The following OPRL1 variants were observed in gnomAD, a reference collection of about 807,000 sequenced individuals.
OPRL1 encodes the protein opioid related nociceptin receptor 1, also known as nociceptin receptor.
In OPRL1, 5 loss-of-function variants were observed where a neutral mutation model predicts 15.5. That is an observed-to-expected ratio of 0.32 (90% CI 0.17 to 0.68). The LOEUF (loss-of-function observed/expected upper bound fraction) is 0.68. OPRL1 is among the 30% of genes least tolerant of loss of function. The pLI is 0.72. For synonymous variants in OPRL1, 223 were observed against 230.2 expected (o/e 0.97, Z 0.28); for missense variants, 406 against 515.3 (o/e 0.79, Z 2.05).
At position 64,083,164 on chromosome 20, in the gene OPRL1, G is replaced by A. The variant is rs2059987312; in HGVS notation, c.-185+2812G>A. Among the ~76,000 whole-genome samples, 1 of 152,180 alleles carries A rather than the reference G, an allele frequency of 6.6e-6. No homozygotes were observed. Among genetic ancestry groups the A allele is most frequent in the Non-Finnish European group, 1.5e-5 (1 of 68,018 alleles). On this transcript the variant is annotated intron_variant, in intron 1 of 4. Coordinates refer to ENST00000336866, the MANE Select transcript of OPRL1 (RefSeq NM_182647.4). This position sits in a 1 kb window ranked among gnomAD's most constrained non-coding sequence, Gnocchi z 4.9. The stretch of plus-strand genomic sequence containing the variant: ...GGGGCCTCCCATAGACCCACAGAAC[G>A]CCAGGTTGCCAGTGGGGGGCAGATC...
At chr20:64,095,267 G>C (rs1444581880) in intron 3 of OPRL1, among the ~76,000 whole-genome samples, 4 of 72,118 alleles carry the variant, frequency 5.5e-5, no homozygotes, top group Non-Finnish European at 8.3e-5. Flanking sequence ...GGGATAGTGT[G>C]GGGGGGATAG....
At chr20:64,091,798 A>G (rs2060120382) in intron 1 of OPRL1, among the ~76,000 whole-genome samples, 168 bp from the exon 2 acceptor site, 1 of 103,240 alleles carries the variant, frequency 9.7e-6, no homozygotes, top group Non-Finnish European at 2.0e-5. Flanking sequence ...TGTGGGTCTG[A>G]GCCTCCTTTT....
Position 64,097,892 on chromosome 20 carries a change from C to T in OPRL1, c.324C>T (p.Gly108=), listed in dbSNP as rs763960389. 1.2e-6 allele frequency: 2 copies of T among 1,613,560 alleles called. No homozygotes were observed. Among genetic ancestry groups the T allele is most frequent in the Middle Eastern group, 1.6e-4 (1 of 6,084 alleles). The part of the protein sequence containing the change: ...TLVLLTLPFQ[G]TDILLGFWPF... ...TCCTGCTGACGCTGCCCTTCCAGGG[C>T]ACGGACATCCTCCTGGGCTTCTGGC... is the stretch of plus-strand genomic sequence containing the variant. The change falls in exon 4 of 5, where the codon GGC becomes GGT. Residue 108 remains glycine (G), a synonymous_variant. Transcript: ENST00000336866. This position sits in a 1 kb window ranked among gnomAD's most constrained non-coding sequence, Gnocchi z 4.2.
At chr20:64,095,590 T>A (rs578045599) in intron 3 of OPRL1, among the ~76,000 whole-genome samples, 2 of 151,534 alleles carry the variant, frequency 1.3e-5, no homozygotes, top group South Asian at 4.2e-4. Context: ...GGGGGAACTC[T>A]GTTCTTCAGG....
intron 1 of OPRL1, chr20:64,084,042 G>A (rs781567166): frequency 6.7e-7 from 1 of 1,503,020 alleles, no homozygotes. Flanking sequence ...AGATGGCGGT[G>A]GCGCTGCGCA....
At chr20:64,082,204 C>T (rs967075390) in intron 1 of OPRL1, among the ~76,000 whole-genome samples, 1 of 152,188 alleles carries the variant, frequency 6.6e-6, no homozygotes, top group Non-Finnish European at 1.5e-5. Flanking sequence ...GACTGCCTCC[C>T]TTCCCTGTCT....
At chr20:64,092,366 G>A (rs73151219) in intron 2 of OPRL1, among the ~76,000 whole-genome samples, 8,070 of 152,260 alleles carry the variant, frequency 0.053, 299 homozygotes, top group Non-Finnish European at 0.084. Flanking sequence ...CCCTGTGGGT[G>A]GACACGTGTC....
Position 64,097,908 on chromosome 20 carries a change from G to A in OPRL1, c.340G>A (p.Gly114Ser), listed in dbSNP as rs1398683052. 3.1e-6 allele frequency: 5 copies of A among 1,613,680 alleles called. No individual in the cohort carries two copies. In the East Asian group the frequency reaches 8.9e-5, roughly 29 times the overall value. The change falls in exon 4 of 5, where the codon GGC becomes AGC. Residue 114 changes from glycine to serine, a missense_variant. Physicochemically the swap from Gly to Ser is moderately conservative, Grantham distance 56. Transcript: ENST00000336866. This position sits in a 1 kb window ranked among gnomAD's most constrained non-coding sequence, Gnocchi z 4.2. ...CTTCCAGGGCACGGACATCCTCCTG[G>A]GCTTCTGGCCGTTTGGGAATGCGCT... is the stretch of plus-strand genomic sequence containing the variant. ...LPFQGTDILLGFWPFGNALCK... is the reference protein window; with the variant it reads ...LPFQGTDILLSFWPFGNALCK...
At chr20:64,087,853 G>A (rs2060065751) in intron 1 of OPRL1, among the ~76,000 whole-genome samples, 1 of 152,240 alleles carries the variant, frequency 6.6e-6, no homozygotes, top group Admixed American at 6.5e-5. Context: ...GCAGGTTGGG[G>A]GAGGGCAGGA....
chr20:64,085,828 T>C (rs2060042695), intron 1 of OPRL1, among the ~76,000 whole-genome samples: 1 of 152,162 alleles, frequency 6.6e-6, no homozygotes, highest in Non-Finnish European at 1.5e-5. Flanking sequence ...TTCCCATTGT[T>C]TTTGGGAGAC....
chr20:64,083,645 C>G lies in OPRL1; in HGVS notation c.-185+3293C>G, dbSNP rs2059997428. 2 of 1,452,158 alleles carry G rather than the reference C, an allele frequency of 1.4e-6. No homozygotes were observed. Among genetic ancestry groups the G allele is most frequent in the African/African-American group, 3.0e-5 (2 of 67,174 alleles). 90.0% of individuals were successfully genotyped at this position (1,452,158 alleles called of 1,614,324 possible). A position where few individuals can be genotyped will look rare whatever the true frequency, so the allele number is the denominator to read the frequency against. On this transcript the variant is annotated intron_variant, in intron 1 of 4. Coordinates refer to ENST00000336866, the MANE Select transcript of OPRL1 (RefSeq NM_182647.4). The surrounding 1 kb of genome is among the most constrained non-coding windows in gnomAD (Gnocchi z 4.9). ...TTCAGCTGCGGCGGCAGGAACAGCT[C>G]CAGCCGGATGGCGGCGCGCGCGGAC...
At position 64,100,256 on chromosome 20, in the gene OPRL1, A is replaced by G. The variant is rs1168931749; in HGVS notation, c.*1457A>G. The stretch of plus-strand genomic sequence containing the variant: ...ACTATTAAAAGACCTGCAACATTGA[A>G]AAAACTCATTTTTTCCACCAAAACC... On this transcript the variant is annotated 3_prime_UTR_variant, in exon 5 of 5. Coordinates refer to ENST00000336866, the MANE Select transcript of OPRL1 (RefSeq NM_182647.4). 1.3e-5 allele frequency: 2 copies of G among 152,178 alleles called. No homozygotes were observed. The allele number at this position is 152,178 out of a possible 1,614,324, so 9.4% of individuals were successfully genotyped here.
In OPRL1 at chr20:64,083,570, G is replaced by A. The variant is rs1482323913; in HGVS notation, c.-185+3218G>A. On this transcript the variant is annotated intron_variant, in intron 1 of 4. Transcript: ENST00000336866. The surrounding 1 kb of genome is among the most constrained non-coding windows in gnomAD (Gnocchi z 4.9). ...CCTCCCCTTTCCCCGCCCCTACCGG[G>A]GCTTGTCTGCACCTCTTGGCGGTCC... 3 of 1,526,604 alleles carry A rather than the reference G, an allele frequency of 2.0e-6. No individual in the cohort carries two copies. In the South Asian group the frequency reaches 3.6e-5, roughly 18 times the overall value. The allele number at this position is 1,526,604 out of a possible 1,614,324, so 94.6% of individuals were successfully genotyped here.
chr20:64,087,962 C>A (rs910210687), intron 1 of OPRL1, among the ~76,000 whole-genome samples: 9 of 152,172 alleles, frequency 5.9e-5, no homozygotes, highest in African/African-American at 2.2e-4. Flanking sequence ...CCCTGCCAAC[C>A]CCAGGGAGCA....
chr20:64,097,036 A>ATTACCG lies in OPRL1; in HGVS notation c.234-765_234-764insTACCGT, dbSNP rs1569278732. Among the ~76,000 whole-genome samples the ATTACCG allele has an allele frequency of 8.0e-4, 1 of 1,248 alleles. No homozygotes were observed. The allele number at this position is 1,248 out of a possible 152,430, so 0.8% of individuals were successfully genotyped here. ...CATCACCATCACCATCATCACAGTC[A>ATTACCG]TCACCATCATCACCATCATCATCAT... On this transcript the variant is annotated intron_variant, in intron 3 of 4. Coordinates refer to ENST00000336866, the MANE Select transcript of OPRL1 (RefSeq NM_182647.4). This position sits in a 1 kb window ranked among gnomAD's most constrained non-coding sequence, Gnocchi z 4.2.
chr20:64,099,154 T>G lies in OPRL1; in HGVS notation c.*355T>G. 3.0e-6 allele frequency: 1 copy of G among 335,372 alleles called. No homozygotes were observed. Among genetic ancestry groups the G allele is most frequent in the Non-Finnish European group, 5.5e-6 (1 of 182,588 alleles). 20.8% of individuals were successfully genotyped at this position (335,372 alleles called of 1,614,324 possible). A position where few individuals can be genotyped will look rare whatever the true frequency, so the allele number is the denominator to read the frequency against. ...CCCTCCCCGTGCTTCATGTGACTCTTGGCCTCTCTGCTGCTGCGTTGGCAG... is the reference window on the plus strand; with the variant it reads ...CCCTCCCCGTGCTTCATGTGACTCTGGGCCTCTCTGCTGCTGCGTTGGCAG... On this transcript the variant is annotated 3_prime_UTR_variant, in exon 5 of 5. Transcript: ENST00000336866.
At chr20:64,092,568 T>C (rs1043864418) in intron 2 of OPRL1, 120 bp from the exon 3 acceptor site, 1 of 672,256 alleles carries the variant, frequency 1.5e-6, no homozygotes. Context: ...TGTGCCTCAG[T>C]GTCTGTGGCT....
chr20:64,098,557 C>G lies in OPRL1; in HGVS notation c.871C>G (p.Gln291Glu), dbSNP rs775933628. Reference protein sequence around the residue: ...VFVLAQGLGVQPSSETAVAIL... With the variant: ...VFVLAQGLGVEPSSETAVAIL... ...CGTGCTGGCCCAAGGGCTGGGGGTTCAGCCGAGCAGCGAGACTGCCGTGGC... is the reference window on the plus strand; with the variant it reads ...CGTGCTGGCCCAAGGGCTGGGGGTTGAGCCGAGCAGCGAGACTGCCGTGGC... Residue 291 changes from glutamine (Q) to glutamate (E), a missense_variant, in exon 5 of 5, where the codon CAG (glutamine) becomes GAG (glutamate). Physicochemically the swap from Gln to Glu is conservative, Grantham distance 29 (BLOSUM62 2). Coordinates refer to ENST00000336866, the MANE Select transcript of OPRL1 (RefSeq NM_182647.4). 1.9e-6 allele frequency: 3 copies of G among 1,612,776 alleles called. No homozygotes were observed. The South Asian group carries it at 3.3e-5, about 18-fold the overall frequency.
In OPRL1 at chr20:64,098,097, C is replaced by A; in HGVS notation, c.529C>A (p.Leu177Met). ...AQAVNVAIWA[L>M]ASVVGVPVAI... is the part of the protein sequence containing the mutation. Reference sequence around the variant, plus strand: ...GGCTGTCAATGTGGCCATCTGGGCCCTGGCCTCTGTTGTCGGTGTTCCCGT... The same window carrying A: ...GGCTGTCAATGTGGCCATCTGGGCCATGGCCTCTGTTGTCGGTGTTCCCGT... The change falls in exon 4 of 5, where the codon CTG becomes ATG. Residue 177 changes from leucine (L) to methionine (M), a missense_variant. Physicochemically the swap from Leu to Met is conservative, Grantham distance 15. Transcript: ENST00000336866. 6.2e-7 allele frequency: 1 copy of A among 1,613,318 alleles called. No homozygotes were observed. The highest frequency in any genetic ancestry group is 8.5e-7 in the Non-Finnish European group (1 of 1,180,022).
Sources: allele counts gnomAD v4.1 joint callset (sites outside exome capture counted in the v4.1 genomes callset), GRCh38; gene constraint gnomAD v4.1.1; non-coding constraint Gnocchi (gnomAD v3.1); transcripts MANE v1.5; gene names NCBI Gene and HGNC (gene_info 2026-07-23, HGNC 2026-07-21).